Variants in PLXDC2 observed in about 807,000 individuals in gnomAD.
PLXDC2 encodes plexin domain containing 2, also known as plexin domain-containing protein 2.
A neutral mutation model predicts 68.9 loss-of-function variants in PLXDC2; 40 were observed. The observed-to-expected ratio is 0.58, with a 90% CI of 0.45 to 0.76. PLXDC2 has a LOEUF of 0.76. Among genes scored for constraint, PLXDC2 ranks in the 30% least tolerant of loss-of-function variants. PLXDC2 has a pLI of 0.00. For synonymous variants in PLXDC2, 243 were observed against 234.2 expected (o/e 1.04, Z -0.34); for missense variants, 644 against 661.9 (o/e 0.97, Z 0.30).
intron 1 of PLXDC2, among the ~76,000 whole-genome samples, chr10:19,873,499 C>G (rs1434282281): frequency 7.0e-6 from 1 of 143,598 alleles, no homozygotes; most frequent in Non-Finnish European, 1.5e-5. Flanking sequence ...CAGCCTCAAA[C>G]TCCTGGGTTC....
At position 19,906,381 on chromosome 10, in the gene PLXDC2, A is replaced by G. The variant is rs923413573; in HGVS notation, c.112+89190A>G. Among the ~76,000 whole-genome samples, 3 of 152,306 alleles carry G rather than the reference A, an allele frequency of 2.0e-5. No individual in the cohort carries two copies. The East Asian group carries it at 5.8e-4, about 29-fold the overall frequency. ...GGTCAGTCAGGAGGAAGATGAGCAA[A>G]AGGAAAATGTGGACAAGAGCTTGTA... On this transcript the variant is annotated intron_variant, in intron 1 of 13. Transcript: ENST00000377252.
intron 2 of PLXDC2, among the ~76,000 whole-genome samples, chr10:20,010,391 A>G (rs1209040939): frequency 3.3e-5 from 5 of 152,218 alleles, no homozygotes; most frequent in Non-Finnish European, 7.3e-5. Context: ...AAAATAGTAA[A>G]TCAGACAGAA....
intron 7 of PLXDC2, among the ~76,000 whole-genome samples, chr10:20,172,081 C>T (rs1203664648): frequency 6.6e-6 from 1 of 152,074 alleles, no homozygotes; most frequent in African/African-American, 2.4e-5. Context: ...TGCACTGCTA[C>T]CCCTTACATT....
rs546454104 is a variant in PLXDC2 at position 20,141,450 on chromosome 10, C to G, written c.542-1845C>G. Among the ~76,000 whole-genome samples, 7 of 152,038 alleles carry G rather than the reference C, an allele frequency of 4.6e-5. No homozygotes were observed. The South Asian group carries it at 1.5e-3, about 32-fold the overall frequency. On this transcript the variant is annotated intron_variant, in intron 4 of 13. Coordinates refer to ENST00000377252, the MANE Select transcript of PLXDC2 (RefSeq NM_032812.9). ...TTATCTTCCTTCCTTGAATAACTGC[C>G]CTCCATCCTCCAAGTTAAGCAGTTT...
chr10:19,973,314 ATATATATGTATACATATATATGTG>A (rs11270407), intron 1 of PLXDC2, among the ~76,000 whole-genome samples: 6 of 136,934 alleles, frequency 4.4e-5, no homozygotes, highest in South Asian at 2.3e-4. Context: ...ATATACTCAC[ATATATATGTATACATATATATGTG>A]TATATATGTA....
chr10:19,827,846 A>G (rs1315339244), intron 1 of PLXDC2, among the ~76,000 whole-genome samples: 1 of 152,306 alleles, frequency 6.6e-6, no homozygotes, highest in Middle Eastern at 3.4e-3. Flanking sequence ...GACATGAGCC[A>G]CCGCGCCCAG....
At chr10:20,249,265 A>G (rs1007988877) in intron 13 of PLXDC2, among the ~76,000 whole-genome samples, 7 of 152,218 alleles carry the variant, frequency 4.6e-5, no homozygotes, top group African/African-American at 7.2e-5. Context: ...AGAGCCTAAC[A>G]TGTGCCTAGA....
intron 4 of PLXDC2, among the ~76,000 whole-genome samples, chr10:20,110,971 C>T (rs562793222): frequency 1.3e-5 from 2 of 152,280 alleles, no homozygotes; most frequent in South Asian, 4.1e-4. Context: ...ATTGGGCTCC[C>T]TTGTCTATGC....
At chr10:20,057,322 T>C (rs1836016506) in intron 3 of PLXDC2, among the ~76,000 whole-genome samples, 1 of 152,148 alleles carries the variant, frequency 6.6e-6, no homozygotes, top group Admixed American at 6.5e-5. Flanking sequence ...TAAAAGATTG[T>C]GTTTGAGGAT....
At chr10:20,193,492 G>A (rs966470534) in intron 9 of PLXDC2, among the ~76,000 whole-genome samples, 2 of 152,070 alleles carry the variant, frequency 1.3e-5, no homozygotes, top group Non-Finnish European at 2.9e-5. Context: ...AATAGTGTTT[G>A]CAGATGAATA....
chr10:20,183,490 G>T (rs1017435661), intron 9 of PLXDC2, among the ~76,000 whole-genome samples: 1 of 151,978 alleles, frequency 6.6e-6, no homozygotes, highest in Non-Finnish European at 1.5e-5. Context: ...GGAAACAAGT[G>T]AAGAGGGAGA....
intron 13 of PLXDC2, among the ~76,000 whole-genome samples, chr10:20,260,564 A>G (rs1835796843): frequency 6.6e-6 from 1 of 152,200 alleles, no homozygotes; most frequent in Non-Finnish European, 1.5e-5. Context: ...CATTGTGTAC[A>G]TATGCCACAT....
Position 20,274,249 on chromosome 10 carries a change from C to T in PLXDC2, c.1474-5454C>T, listed in dbSNP as rs149134433. On this transcript the variant is annotated intron_variant, in intron 13 of 13. Transcript: ENST00000377252. ...CTAAACAGTGAAAGAAAATAATGCACATTAAGTGTTTGCAATGTGTGATTG... is the reference window on the plus strand; with the variant it reads ...CTAAACAGTGAAAGAAAATAATGCATATTAAGTGTTTGCAATGTGTGATTG... Among the ~76,000 whole-genome samples, 29 of 152,250 alleles carry T rather than the reference C, an allele frequency of 1.9e-4. No individual in the cohort carries two copies. The East Asian group carries it at 5.0e-3, about 26-fold the overall frequency.
chr10:20,114,130 A>G (rs1441539183), intron 4 of PLXDC2, among the ~76,000 whole-genome samples: 2 of 152,202 alleles, frequency 1.3e-5, no homozygotes, highest in Non-Finnish European at 2.9e-5. Context: ...TGTCAAAACA[A>G]AATAAAATAA....
chr10:19,926,011 G>A (rs1833533232), intron 1 of PLXDC2, among the ~76,000 whole-genome samples: 1 of 152,338 alleles, frequency 6.6e-6, no homozygotes, highest in Non-Finnish European at 1.5e-5. Flanking sequence ...GCATTAGGCA[G>A]CAACCTCGGG....
At chr10:20,274,868 C>CA (rs58738641) in intron 13 of PLXDC2, among the ~76,000 whole-genome samples, 7,835 of 109,458 alleles carry the variant, frequency 0.072, 636 homozygotes, top group African/African-American at 0.23. Context: ...ATCAGAATTT[C>CA]AAAAAAAAAA....
At position 20,068,305 on chromosome 10, in the gene PLXDC2, T is replaced by G. The variant is rs938759979; in HGVS notation, c.541+66T>G. The G allele has an allele frequency of 3.2e-6, 4 of 1,263,442 alleles. No individual in the cohort carries two copies. The African/African-American group carries it at 6.0e-5, about 19-fold the overall frequency. 78.3% of individuals were successfully genotyped at this position (1,263,442 alleles called of 1,614,324 possible). A position where few individuals can be genotyped will look rare whatever the true frequency, so the allele number is the denominator to read the frequency against. On this transcript the variant is annotated intron_variant, in intron 4 of 13. Coordinates refer to ENST00000377252, the MANE Select transcript of PLXDC2 (RefSeq NM_032812.9). The stretch of plus-strand genomic sequence containing the variant: ...TTTGACTGCAGTTATTATTTTTAAG[T>G]TACTCTATATTTCAAGATGGATATT...
intron 1 of PLXDC2, among the ~76,000 whole-genome samples, chr10:19,887,232 G>T (rs991591939): frequency 1.3e-5 from 2 of 152,066 alleles, no homozygotes; most frequent in Non-Finnish European, 2.9e-5. Context: ...CTGAAACTTG[G>T]AAAATAGGCC....
At chr10:19,886,390 A>G (rs1232244409) in intron 1 of PLXDC2, among the ~76,000 whole-genome samples, 2 of 152,194 alleles carry the variant, frequency 1.3e-5, no homozygotes, top group East Asian at 1.9e-4. Context: ...AATACTGGCA[A>G]ACCAAATCCA....
Sources: gnomAD v4.1 joint callset for allele counts (sites outside exome capture counted in the v4.1 genomes callset) on GRCh38, gnomAD v4.1.1 for gene constraint, MANE v1.5 for transcripts, NCBI Gene and HGNC (gene_info 2026-07-23, HGNC 2026-07-21) for gene names.